The following AHI1 variants were observed in gnomAD, a reference collection of about 807,000 sequenced individuals.
The protein encoded by AHI1 is Abelson helper integration site 1, also known as jouberin.
In AHI1, 123 loss-of-function variants were observed where a neutral mutation model predicts 149.3. The observed-to-expected ratio is 0.82, with a 90% CI of 0.71 to 0.96. The LOEUF is 0.96. Ranked by LOEUF, AHI1 falls within the 40% of genes least tolerant of loss-of-function variation. The pLI is 0.00. For missense variants in AHI1, 1,439 were observed against 1,422.7 expected, an observed-to-expected ratio of 1.01 and a Z score of -0.18; for synonymous variants, 475 against 459.8, an observed-to-expected ratio of 1.03 and a Z score of -0.42.
intron 23 of AHI1, among the ~76,000 whole-genome samples, chr6:135,366,057 T>G (rs188877077): frequency 6.6e-6 from 1 of 152,358 alleles, no homozygotes; most frequent in Non-Finnish European, 1.5e-5. Flanking sequence ...TCTCTTGAGA[T>G]GACCACATGA....
chr6:135,341,000 A>T (rs958169680), intron 24 of AHI1, among the ~76,000 whole-genome samples: 16 of 151,834 alleles, frequency 1.1e-4, no homozygotes, highest in African/African-American at 3.4e-4. Context: ...TAGTAAAAAA[A>T]TACTAATTTA....
At chr6:135,368,735 C>G (rs770416133) in intron 23 of AHI1, among the ~76,000 whole-genome samples, 1 of 151,344 alleles carries the variant, frequency 6.6e-6, no homozygotes. Context: ...ATGCCACTCT[C>G]GTTCCCACTC....
chr6:135,310,772 G>C (rs891191962), intron 26 of AHI1, among the ~76,000 whole-genome samples: 4 of 152,026 alleles, frequency 2.6e-5, no homozygotes, highest in African/African-American at 9.7e-5. Flanking sequence ...TAACATTTCT[G>C]TGCATACTTA....
rs753536518 is a variant in AHI1 at position 135,318,543 on chromosome 6, T to C, written c.3402A>G (p.Ile1134Met). Reference protein sequence around the residue: ...PPLSPEEKTKIEKSPAPQKQS... With the variant: ...PPLSPEEKTKMEKSPAPQKQS... ...CCTTTTGAGGAGCTGGAGATTTTTCTATTTTAGTTTTTTCCTCAGGGCTTA... is the reference window on the plus strand; with the variant it reads ...CCTTTTGAGGAGCTGGAGATTTTTCCATTTTAGTTTTTTCCTCAGGGCTTA... The change falls in exon 26 of 29, where the codon ATA becomes ATG. Residue 1134 changes from isoleucine to methionine, a missense_variant. Physicochemically the swap from Ile to Met is conservative, Grantham distance 10 (BLOSUM62 1). Coordinates refer to ENST00000265602, the MANE Select transcript of AHI1 (RefSeq NM_001134831.2). 6 of 1,597,108 alleles carry C rather than the reference T, an allele frequency of 3.8e-6. No homozygotes were observed. In the East Asian group the frequency reaches 1.3e-4, roughly 36 times the overall value.
chr6:135,372,950 G>A (rs906950153), intron 23 of AHI1, among the ~76,000 whole-genome samples: 1 of 152,092 alleles, frequency 6.6e-6, no homozygotes, highest in African/African-American at 2.4e-5. Flanking sequence ...AATACAGAAG[G>A]TCTTCAAGAA....
At chr6:135,480,630 G>A (rs1793466876) in intron 5 of AHI1, among the ~76,000 whole-genome samples, 1 of 152,194 alleles carries the variant, frequency 6.6e-6, no homozygotes, top group African/African-American at 2.4e-5. Context: ...TGGTGATTGA[G>A]TAATGAGGAC....
chr6:135,422,977 T>C (rs1298031369), intron 20 of AHI1, among the ~76,000 whole-genome samples: 2 of 152,126 alleles, frequency 1.3e-5, no homozygotes, highest in Non-Finnish European at 2.9e-5. Flanking sequence ...CTAAGACAGA[T>C]AGCTTAATGC....
chr6:135,458,360 A>G (rs1464679759), intron 8 of AHI1, among the ~76,000 whole-genome samples: 2 of 152,206 alleles, frequency 1.3e-5, no homozygotes, highest in Admixed American at 1.3e-4. Context: ...CCACAGGACT[A>G]AAATGATAAA....
intron 24 of AHI1, among the ~76,000 whole-genome samples, chr6:135,336,298 A>C (rs1372863586): frequency 1.3e-5 from 2 of 152,042 alleles, no homozygotes; most frequent in Non-Finnish European, 2.9e-5. Context: ...ATTTTTAAAT[A>C]AATTTAGTGT....
chr6:135,388,958 G>A (rs1778021058), intron 23 of AHI1, among the ~76,000 whole-genome samples: 1 of 151,650 alleles, frequency 6.6e-6, no homozygotes, highest in African/African-American at 2.4e-5. Flanking sequence ...GTTACAGCGA[G>A]CTGAGACCGC....
chr6:135,302,730 A>G lies in AHI1; in HGVS notation c.3427-2172T>C, dbSNP rs976598021. On this transcript the variant is annotated intron_variant, in intron 26 of 28. Coordinates refer to ENST00000265602, the MANE Select transcript of AHI1 (RefSeq NM_001134831.2). Reference sequence around the variant, plus strand: ...TACTCACTCATTCCTTGGTCTCAGCAGCAGCACGTCATATAGGTAGTTACT... The same window carrying G: ...TACTCACTCATTCCTTGGTCTCAGCGGCAGCACGTCATATAGGTAGTTACT... 21 of 1,277,854 alleles carry G rather than the reference A, an allele frequency of 1.6e-5. No homozygotes were observed. In the African/African-American group the frequency reaches 2.6e-4, roughly 16 times the overall value. 79.2% of individuals were successfully genotyped at this position (1,277,854 alleles called of 1,614,324 possible).
At chr6:135,396,999 A>C (rs576903581) in intron 22 of AHI1, among the ~76,000 whole-genome samples, 8 of 151,876 alleles carry the variant, frequency 5.3e-5, no homozygotes, top group Non-Finnish European at 8.8e-5. Context: ...TTTACAACAA[A>C]ATTTTTTTTT....
intron 20 of AHI1, among the ~76,000 whole-genome samples, chr6:135,419,080 T>C (rs1389965685): frequency 6.6e-6 from 1 of 152,032 alleles, no homozygotes; most frequent in Non-Finnish European, 1.5e-5. Context: ...TCAGGGCCTG[T>C]TAGCAATTTT....
At chr6:135,473,744 A>AT (rs1432089472) in intron 5 of AHI1, among the ~76,000 whole-genome samples, 2 of 49,542 alleles carry the variant, frequency 4.0e-5, no homozygotes, top group Non-Finnish European at 1.4e-4. Context: ...AATGCTACAC[A>AT]TTTTTTCTAT....
intron 23 of AHI1, among the ~76,000 whole-genome samples, chr6:135,393,851 T>C (rs112660656): frequency 0.011 from 1,722 of 151,958 alleles, 36 homozygotes; most frequent in African/African-American, 0.039. Flanking sequence ...AAATGAAGAG[T>C]CTAAGGTTTG....
chr6:135,437,654 A>G (rs1785611697), intron 15 of AHI1, among the ~76,000 whole-genome samples: 1 of 152,236 alleles, frequency 6.6e-6, no homozygotes, highest in South Asian at 2.1e-4. Context: ...TGAATTCAGC[A>G]TGGATCTCAA....
chr6:135,355,846 C>T (rs1194511655), intron 24 of AHI1, among the ~76,000 whole-genome samples: 1 of 152,194 alleles, frequency 6.6e-6, no homozygotes, highest in Non-Finnish European at 1.5e-5. Context: ...TTGCAGTGAA[C>T]TGAGATTGCG....
At position 135,429,491 on chromosome 6, in the gene AHI1, T is replaced by C. The variant is rs1228303170; in HGVS notation, c.2492+391A>G. On this transcript the variant is annotated intron_variant, in intron 18 of 28. Coordinates refer to ENST00000265602, the MANE Select transcript of AHI1 (RefSeq NM_001134831.2). ...AATCAAAAGCCCTCTCCTGTAGTTA[T>C]ATCATATTATACTAATGCTGTAACA... is the stretch of plus-strand genomic sequence containing the variant. Among the ~76,000 whole-genome samples, 6 of 151,898 alleles carry C rather than the reference T, an allele frequency of 4.0e-5. No homozygotes were observed. In the South Asian group the frequency reaches 1.0e-3, roughly 26 times the overall value.
At chr6:135,446,473 T>G (rs1787231860) in intron 13 of AHI1, among the ~76,000 whole-genome samples, 2 of 152,174 alleles carry the variant, frequency 1.3e-5, no homozygotes, top group Non-Finnish European at 2.9e-5. Context: ...ATGTTAAAGC[T>G]GTAATCCCCT....
Sources: allele counts gnomAD v4.1 joint callset (sites outside exome capture counted in the v4.1 genomes callset), GRCh38; gene constraint gnomAD v4.1.1; transcripts MANE v1.5; gene names NCBI Gene and HGNC (gene_info 2026-07-23, HGNC 2026-07-21).